The following DOCK8 variants were observed in gnomAD, a reference collection of about 807,000 sequenced individuals.
The protein encoded by DOCK8 is dedicator of cytokinesis protein 8.
Under a neutral mutation model 245.6 loss-of-function variants are expected in DOCK8, and 141 were observed. That is an observed-to-expected ratio of 0.57 (90% CI 0.50 to 0.66). DOCK8 has a LOEUF of 0.66. Among genes scored for constraint, DOCK8 ranks in the 30% least tolerant of loss-of-function variants. The probability of loss-of-function intolerance (pLI) is 0.00; values close to 1 mark genes in which losing one functional copy is unlikely to be tolerated. For missense variants in DOCK8, 2,965 were observed against 2,603.4 expected (o/e 1.14, Z -3.02); for synonymous variants, 1,168 against 970.2 (o/e 1.20, Z -3.79).
intron 14 of DOCK8, among the ~76,000 whole-genome samples, chr9:341,944 A>T (rs2051617300): frequency 6.6e-6 from 1 of 152,170 alleles, no homozygotes; most frequent in Admixed American, 6.5e-5. Context: ...TGCGCTCCTT[A>T]TGAGAATCTA....
At chr9:339,174 C>A in intron 13 of DOCK8, 75 bp downstream of exon 13, 1 of 1,234,298 alleles carries the variant, frequency 8.1e-7, no homozygotes, top group Non-Finnish European at 1.2e-6. Context: ...TTGTCTAATG[C>A]CAGAATTTAT....
At chr9:382,482 T>A in intron 21 of DOCK8, 31 bp from the exon 22 acceptor site, 1 of 1,612,946 alleles carries the variant, frequency 6.2e-7, no homozygotes, top group Non-Finnish European at 8.5e-7. Flanking sequence ...TTCCCCTGTC[T>A]GTTGACATGT....
chr9:414,135 A>AAT, intron 28 of DOCK8, among the ~76,000 whole-genome samples: 1 of 152,070 alleles, frequency 6.6e-6, no homozygotes, highest in South Asian at 2.1e-4. Context: ...CCATGTCAAA[A>AAT]AAAAAAAAAA....
At chr9:300,192 G>A (rs2049470898) in intron 4 of DOCK8, among the ~76,000 whole-genome samples, 1 of 152,132 alleles carries the variant, frequency 6.6e-6, no homozygotes, top group Non-Finnish European at 1.5e-5. Context: ...TCCTACAGAC[G>A]TCACTGGGAC....
intron 1 of DOCK8, among the ~76,000 whole-genome samples, chr9:246,486 G>C (rs1199980737): frequency 6.6e-6 from 1 of 151,548 alleles, no homozygotes; most frequent in Non-Finnish European, 1.5e-5. Context: ...CTGCACTCCA[G>C]TCTGGGTGAC....
At chr9:285,653 G>T (rs1404910028) in intron 2 of DOCK8, among the ~76,000 whole-genome samples, 1 of 151,996 alleles carries the variant, frequency 6.6e-6, no homozygotes, top group Non-Finnish European at 1.5e-5. Flanking sequence ...GACTGACAAA[G>T]GTTGCCAACT....
At chr9:389,129 C>T (rs2054079255) in intron 23 of DOCK8, among the ~76,000 whole-genome samples, 1 of 152,120 alleles carries the variant, frequency 6.6e-6, no homozygotes, top group South Asian at 2.1e-4. Context: ...CTCATTTGCC[C>T]AGGACTGAGG....
Position 432,503 on chromosome 9 carries a change from T to C in DOCK8, c.4785+179T>C, listed in dbSNP as rs7046598. 0.69 allele frequency among the ~76,000 whole-genome samples: 105,164 copies of C among 152,030 alleles called. 37,840 individuals carry two copies. Among genetic ancestry groups the C allele is most frequent in the East Asian group, 0.98 (5,083 of 5,180 alleles). On this transcript the variant is annotated intron_variant, in intron 37 of 47. Coordinates refer to ENST00000432829, the MANE Select transcript of DOCK8 (RefSeq NM_203447.4). Reference sequence around the variant, plus strand: ...GAGGTTTTAAAAAGAAATACATCCATCACTGTCCCCAGTCTCAATATGCTA... The same window carrying C: ...GAGGTTTTAAAAAGAAATACATCCACCACTGTCCCCAGTCTCAATATGCTA...
intron 15 of DOCK8, 64 bp downstream of exon 15, chr9:368,199 C>G: frequency 7.5e-7 from 1 of 1,329,202 alleles, no homozygotes. Flanking sequence ...TCACTTCACA[C>G]AAGTCCGGGA....
At chr9:244,284 A>ACACACACACG (rs2047451665) in intron 1 of DOCK8, among the ~76,000 whole-genome samples, 1 of 151,560 alleles carries the variant, frequency 6.6e-6, no homozygotes. Context: ...CACCACACAC[A>ACACACACACG]CACACACACG....
intron 1 of DOCK8, among the ~76,000 whole-genome samples, chr9:259,907 A>G (rs2047875874): frequency 6.6e-6 from 1 of 152,240 alleles, no homozygotes; most frequent in African/African-American, 2.4e-5. Context: ...AAGCCAAAAC[A>G]AAGGAATGAC....
intron 4 of DOCK8, among the ~76,000 whole-genome samples, chr9:294,949 C>T (rs2049192041): frequency 6.6e-6 from 1 of 152,164 alleles, no homozygotes; most frequent in Non-Finnish European, 1.5e-5. Flanking sequence ...CACTTGAGGT[C>T]AGGAGTTCCA....
At chr9:373,561 T>TC (rs1184108447) in intron 18 of DOCK8, among the ~76,000 whole-genome samples, 2 of 152,248 alleles carry the variant, frequency 1.3e-5, no homozygotes, top group African/African-American at 4.8e-5. Flanking sequence ...CTACAGATCC[T>TC]CCATCTCTTT....
intron 26 of DOCK8, among the ~76,000 whole-genome samples, chr9:402,984 G>A (rs2055184878): frequency 6.6e-6 from 1 of 152,168 alleles, no homozygotes; most frequent in Admixed American, 6.5e-5. Flanking sequence ...CCGCCTCACA[G>A]GTTCAAGCGA....
intron 33 of DOCK8, among the ~76,000 whole-genome samples, chr9:425,469 T>C (rs926095525): frequency 4.7e-5 from 7 of 149,704 alleles, no homozygotes; most frequent in South Asian, 2.1e-4. Flanking sequence ...GAAGTGGAGC[T>C]TGCGGTGAGC....
intron 1 of DOCK8, among the ~76,000 whole-genome samples, chr9:233,915 A>C (rs1173898702): frequency 6.6e-6 from 1 of 152,070 alleles, no homozygotes; most frequent in Non-Finnish European, 1.5e-5. Context: ...TAATATTGTT[A>C]TGTGTGAATT....
At chr9:235,890 G>T (rs531899831) in intron 1 of DOCK8, among the ~76,000 whole-genome samples, 113 of 152,294 alleles carry the variant, frequency 7.4e-4, no homozygotes, top group African/African-American at 2.3e-3. Flanking sequence ...GCTCACGCAT[G>T]TTGCGCTGCA....
At chr9:413,869 C>A (rs535507968) in intron 28 of DOCK8, among the ~76,000 whole-genome samples, 66 of 152,160 alleles carry the variant, frequency 4.3e-4, no homozygotes, top group Non-Finnish European at 6.5e-4. Context: ...GCTGGGCGCT[C>A]GGCGGCTCAC....
chr9:272,203 A>T (rs2048182653), intron 2 of DOCK8, among the ~76,000 whole-genome samples: 1 of 151,372 alleles, frequency 6.6e-6, no homozygotes, highest in Non-Finnish European at 1.5e-5. Context: ...TGGGCAACTT[A>T]GAGTCACTTA....
Sources: allele counts gnomAD v4.1 joint callset (sites outside exome capture counted in the v4.1 genomes callset), GRCh38; gene constraint gnomAD v4.1.1; transcripts MANE v1.5; gene names NCBI Gene and HGNC (gene_info 2026-07-23, HGNC 2026-07-21).